The following FXYD6 variants were observed in gnomAD, a reference collection of about 807,000 sequenced individuals.
The protein encoded by FXYD6 is FXYD domain-containing ion transport regulator 6.
In FXYD6, 7 loss-of-function variants were observed where a neutral mutation model predicts 16.7. That is an observed-to-expected ratio of 0.42 (90% confidence interval 0.24 to 0.79). The LOEUF is 0.79. Among genes scored for constraint, FXYD6 ranks in the 30% least tolerant of loss-of-function variants. The probability of loss-of-function intolerance (pLI) is 0.28; values close to 1 mark genes in which losing one functional copy is unlikely to be tolerated. For synonymous variants in FXYD6, 49 were observed against 43.0 expected (o/e 1.14, Z -0.54); for missense variants, 111 against 116.2 (o/e 0.95, Z 0.21).
intron 1 of FXYD6, among the ~76,000 whole-genome samples, chr11:117,860,645 C>T (rs1565325618): frequency 6.6e-6 from 1 of 152,156 alleles, no homozygotes; most frequent in South Asian, 2.1e-4. Flanking sequence ...GTGCGGGCAG[C>T]GCAGAATCAG....
chr11:117,849,243 T>G (rs930058244), intron 1 of FXYD6, among the ~76,000 whole-genome samples: 1 of 152,222 alleles, frequency 6.6e-6, no homozygotes, highest in Non-Finnish European at 1.5e-5. Context: ...TCCTTACAAT[T>G]TCTTGCTTTA....
intron 1 of FXYD6, among the ~76,000 whole-genome samples, chr11:117,854,031 C>G (rs1250143516): frequency 6.6e-6 from 1 of 152,180 alleles, no homozygotes; most frequent in Non-Finnish European, 1.5e-5. Flanking sequence ...CATCTGCTAT[C>G]TGTAAAACAC....
intron 1 of FXYD6, among the ~76,000 whole-genome samples, chr11:117,843,412 C>A (rs1488692631): frequency 2.0e-5 from 3 of 152,216 alleles, no homozygotes; most frequent in African/African-American, 4.8e-5. Context: ...AACTCCTCCA[C>A]CACGTTGCCT....
chr11:117,851,339 A>G (rs916754868), intron 1 of FXYD6, among the ~76,000 whole-genome samples: 1 of 152,130 alleles, frequency 6.6e-6, no homozygotes, highest in Non-Finnish European at 1.5e-5. Context: ...GCTAGCTGCC[A>G]TGTCTTAAGG....
At chr11:117,876,186 G>A (rs1024965411) in intron 1 of FXYD6, among the ~76,000 whole-genome samples, 3 of 152,034 alleles carry the variant, frequency 2.0e-5, no homozygotes, top group African/African-American at 4.8e-5. Context: ...GCCCTCGTCC[G>A]TAATTCCCCA....
In FXYD6 at chr11:117,838,055, A is replaced by G; in HGVS notation, c.*244T>C. On this transcript the variant is annotated 3_prime_UTR_variant, in exon 8 of 8. Transcript: ENST00000526014. ...AACACACACAGTCACACACACACACACACACACACACATCACGGGAGGTGG... is the reference window on the plus strand; with the variant it reads ...AACACACACAGTCACACACACACACGCACACACACACATCACGGGAGGTGG... The G allele has an allele frequency of 3.0e-6, 2 of 657,984 alleles. No homozygotes were observed. The highest frequency in any genetic ancestry group is 5.4e-5 in the East Asian group (2 of 36,710). The allele number at this position is 657,984 out of a possible 1,614,324, so 40.8% of individuals were successfully genotyped here.
intron 1 of FXYD6, among the ~76,000 whole-genome samples, chr11:117,863,351 A>G (rs1022921282): frequency 2.6e-5 from 4 of 152,222 alleles, no homozygotes; most frequent in African/African-American, 9.6e-5. Flanking sequence ...GGAGGGAAAA[A>G]AAACCACACG....
At chr11:117,874,288 G>A (rs4938445) in intron 1 of FXYD6, among the ~76,000 whole-genome samples, 49,403 of 152,078 alleles carry the variant, frequency 0.32, 8,132 homozygotes, top group African/African-American at 0.36. Context: ...CTGAAGATCC[G>A]ATGGAAGCCA....
intron 1 of FXYD6, among the ~76,000 whole-genome samples, chr11:117,866,202 G>A (rs2057010065): frequency 6.6e-6 from 1 of 152,148 alleles, no homozygotes; most frequent in Admixed American, 6.5e-5. Flanking sequence ...GACGATGGGA[G>A]TTCTTGAGAT....
At chr11:117,868,196 G>A (rs948108) in intron 1 of FXYD6, among the ~76,000 whole-genome samples, 70,139 of 151,910 alleles carry the variant, frequency 0.46, 16,871 homozygotes, top group East Asian at 0.72. Context: ...GAGGACGGCC[G>A]AAAGTGCTGG....
At position 117,837,884 on chromosome 11, in the gene FXYD6, A is replaced by C; in HGVS notation, c.*415T>G. On this transcript the variant is annotated 3_prime_UTR_variant, in exon 8 of 8. Transcript: ENST00000526014. This position sits in a 1 kb window ranked among gnomAD's most constrained non-coding sequence, Gnocchi z 4.4. ...GGTCTCGGGCAACAAGCAGCCTCCT[A>C]GGAGCAGAAGGTGATGGAGGGCCAC... 1 of 334,372 alleles carries C rather than the reference A, an allele frequency of 3.0e-6. No homozygotes were observed. The highest frequency in any genetic ancestry group is 5.6e-5 in the East Asian group (1 of 17,908). 20.7% of individuals were successfully genotyped at this position (334,372 alleles called of 1,614,324 possible).
intron 1 of FXYD6, among the ~76,000 whole-genome samples, chr11:117,858,739 T>TCCTG (rs2056828499): frequency 8.4e-6 from 1 of 118,972 alleles, no homozygotes; most frequent in Non-Finnish European, 1.7e-5. Context: ...CTTCCTTCCT[T>TCCTG]CCTTCCTTCC....
intron 1 of FXYD6, among the ~76,000 whole-genome samples, chr11:117,868,056 A>T (rs908550415): frequency 1.3e-5 from 2 of 152,186 alleles, no homozygotes; most frequent in African/African-American, 4.8e-5. Flanking sequence ...CCAGACTCCA[A>T]GAGCGCCTGT....
chr11:117,838,555 T>G (rs2056253263), intron 7 of FXYD6: 3 of 442,510 alleles, frequency 6.8e-6, no homozygotes, highest in Non-Finnish European at 1.2e-5. Context: ...AAAAGGTTTC[T>G]GAGAAAGAAC....
In FXYD6 at chr11:117,839,780, C is replaced by T. The variant is rs771841356; in HGVS notation, c.*21+1G>A. ...GCCAATCCAGGCACTGAGCATCTCA[C>T]CTTCCACCTGATGGCTGCACTTCAG... is the stretch of plus-strand genomic sequence containing the variant. On this transcript the variant is annotated splice_donor_variant, in intron 7 of 7. Coordinates refer to ENST00000526014, the MANE Select transcript of FXYD6 (RefSeq NM_022003.4). LOFTEE classifies it low-confidence loss of function (3UTR_SPLICE). The T allele has an allele frequency of 6.2e-7, 1 of 1,614,218 alleles. No homozygotes were observed. The highest frequency in any genetic ancestry group is 8.5e-7 in the Non-Finnish European group (1 of 1,180,040).
chr11:117,840,889 T>A (rs1030182305), intron 5 of FXYD6, among the ~76,000 whole-genome samples: 1 of 151,776 alleles, frequency 6.6e-6, no homozygotes, highest in African/African-American at 2.4e-5. Context: ...CAGAAAAGGT[T>A]CCAGTACTTT....
At chr11:117,865,376 AG>A (rs1273745486) in intron 1 of FXYD6, among the ~76,000 whole-genome samples, 43 of 152,362 alleles carry the variant, frequency 2.8e-4, no homozygotes, top group African/African-American at 1.0e-3. Flanking sequence ...TATACCCAAA[AG>A]AATTGGAAAT....
At chr11:117,853,905 G>A (rs1246770507) in intron 1 of FXYD6, among the ~76,000 whole-genome samples, 2 of 152,182 alleles carry the variant, frequency 1.3e-5, no homozygotes, top group African/African-American at 4.8e-5. Flanking sequence ...AAACCAAGCT[G>A]TGTAATAGTA....
At chr11:117,841,752 T>G in intron 4 of FXYD6, 39 bp downstream of exon 4, 1 of 1,610,372 alleles carries the variant, frequency 6.2e-7, no homozygotes, top group Non-Finnish European at 8.5e-7. Flanking sequence ...GCAGCCTCAG[T>G]CATTGCTCTT....
Sources: gnomAD v4.1 joint callset for allele counts (sites outside exome capture counted in the v4.1 genomes callset) on GRCh38, gnomAD v4.1.1 for gene constraint, Gnocchi (gnomAD v3.1) non-coding constraint, MANE v1.5 for transcripts, NCBI Gene and HGNC (gene_info 2026-07-23, HGNC 2026-07-21) for gene names.